COL24A1: variants seen among roughly 807,000 people sequenced by gnomAD.
COL24A1 encodes the protein collagen alpha-1(XXIV) chain.
Under a neutral mutation model 253.9 loss-of-function variants are expected in COL24A1, and 224 were observed. The ratio of observed to expected loss-of-function variants is 0.88; its 90% CI spans 0.79 to 0.99. The LOEUF is 0.99. COL24A1 is among the 50% of genes least tolerant of loss of function. The pLI, the probability that COL24A1 is intolerant of heterozygous loss-of-function variation, is 0.00. For missense variants in COL24A1, 2,131 were observed against 2,068.5 expected, an observed-to-expected ratio of 1.03 and a Z score of -0.59; for synonymous variants, 685 against 673.7, an observed-to-expected ratio of 1.02 and a Z score of -0.26.
chr1:85,843,293 G>A (rs1246218504), intron 39 of COL24A1, among the ~76,000 whole-genome samples: 1 of 152,092 alleles, frequency 6.6e-6, no homozygotes, highest in East Asian at 1.9e-4. Flanking sequence ...CCATTGATTA[G>A]TAAATTTAGA....
intron 24 of COL24A1, among the ~76,000 whole-genome samples, chr1:85,940,055 A>G (rs1688594438): frequency 6.6e-6 from 1 of 152,176 alleles, no homozygotes; most frequent in Non-Finnish European, 1.5e-5. Context: ...AACACTGGGG[A>G]TGAATTGAAG....
intron 43 of COL24A1, among the ~76,000 whole-genome samples, chr1:85,836,966 T>C (rs1280928585): frequency 6.6e-6 from 1 of 152,182 alleles, no homozygotes; most frequent in African/African-American, 2.4e-5. Context: ...TGCTGGTAAA[T>C]ATACTGATTT....
chr1:86,000,415 CT>C (rs1434774822), intron 19 of COL24A1, among the ~76,000 whole-genome samples: 9 of 152,138 alleles, frequency 5.9e-5, no homozygotes, highest in Non-Finnish European at 1.2e-4. Context: ...AAACCTAATA[CT>C]TTTTTTATTG....
chr1:86,156,643 T>G lies in COL24A1; in HGVS notation c.-247A>C. On this transcript the variant is annotated 5_prime_UTR_variant, in exon 1 of 60. Transcript: ENST00000370571. ...GTAACGAACGAGCCCAGGGTTGCGC[T>G]CCCCGGGGAGGGCGGGCGAGGAGGT... The G allele has an allele frequency of 2.9e-6, 1 of 347,036 alleles. No homozygotes were observed. Among genetic ancestry groups the G allele is most frequent in the Non-Finnish European group, 5.2e-6 (1 of 193,286 alleles). The allele number at this position is 347,036 out of a possible 1,614,324, so 21.5% of individuals were successfully genotyped here.
At chr1:86,151,901 T>C (rs1038529679) in intron 1 of COL24A1, among the ~76,000 whole-genome samples, 119 of 152,308 alleles carry the variant, frequency 7.8e-4, no homozygotes, top group African/African-American at 1.3e-3. Context: ...TTTAAACCAA[T>C]TGAAAATGGT....
intron 5 of COL24A1, among the ~76,000 whole-genome samples, chr1:86,110,282 GA>G (rs1474944075): frequency 6.6e-6 from 1 of 151,850 alleles, no homozygotes; most frequent in Non-Finnish European, 1.5e-5. Flanking sequence ...TATGTTTAGT[GA>G]TATCTCCATT....
chr1:85,805,228 T>C (rs571971411), intron 47 of COL24A1, among the ~76,000 whole-genome samples: 27 of 152,224 alleles, frequency 1.8e-4, no homozygotes, highest in African/African-American at 6.3e-4. Context: ...CTGCTATTGT[T>C]TAAAATAATA....
At chr1:86,057,413 A>G (rs1475295202) in intron 10 of COL24A1, among the ~76,000 whole-genome samples, 3 of 152,202 alleles carry the variant, frequency 2.0e-5, no homozygotes, top group East Asian at 3.8e-4. Context: ...GACTAATACA[A>G]TATAATATAG....
chr1:86,093,173 A>C (rs2101983618), intron 5 of COL24A1, among the ~76,000 whole-genome samples: 1 of 152,204 alleles, frequency 6.6e-6, no homozygotes, highest in African/African-American at 2.4e-5. Flanking sequence ...ATGACACTTA[A>C]GCTGACTGAT....
intron 1 of COL24A1, among the ~76,000 whole-genome samples, chr1:86,153,813 A>T (rs1653107949): frequency 1.3e-5 from 2 of 152,222 alleles, no homozygotes; most frequent in Admixed American, 6.5e-5. Flanking sequence ...TAATTACCAT[A>T]ATAGCCTGCC....
Position 85,970,286 on chromosome 1 carries a change from A to T in COL24A1, c.2419-15T>A. 6.3e-7 allele frequency: 1 copy of T among 1,580,924 alleles called. No homozygotes were observed. The highest frequency in any genetic ancestry group is 8.6e-7 in the Non-Finnish European group (1 of 1,166,980). On this transcript the variant is annotated splice_polypyrimidine_tract_variant and intron_variant, in intron 21 of 59. Transcript: ENST00000370571. ...CCTTCTTCTCCCTTAAAAAAAAAAA[A>T]AGTCAGAACATATTATGGCCTAAAA...
intron 8 of COL24A1, among the ~76,000 whole-genome samples, chr1:86,060,186 C>CT (rs200066496): frequency 3.9e-4 from 60 of 152,032 alleles, no homozygotes; most frequent in Admixed American, 6.6e-4. Flanking sequence ...AATATTATAA[C>CT]TTTTTTTTTA....
intron 37 of COL24A1, among the ~76,000 whole-genome samples, chr1:85,862,119 T>G (rs1225225733): frequency 6.6e-6 from 1 of 152,212 alleles, no homozygotes; most frequent in Non-Finnish European, 1.5e-5. Flanking sequence ...AGTTATTCTC[T>G]TTCATTAGTA....
chr1:85,807,629 A>G (rs1355230824), intron 47 of COL24A1, among the ~76,000 whole-genome samples: 1 of 152,182 alleles, frequency 6.6e-6, no homozygotes, highest in Non-Finnish European at 1.5e-5. Context: ...ATCTTACTTA[A>G]GTCACTGTGC....
At chr1:85,872,898 G>A (rs1044257278) in intron 35 of COL24A1, among the ~76,000 whole-genome samples, 15 of 152,246 alleles carry the variant, frequency 9.9e-5, no homozygotes, top group African/African-American at 3.4e-4. Context: ...AGAGTGAACA[G>A]GCAACCTACA....
Position 86,064,560 on chromosome 1 carries a change from A to G in COL24A1, c.1708-801T>C, listed in dbSNP as rs190777410. Among the ~76,000 whole-genome samples, 3 of 152,344 alleles carry G rather than the reference A, an allele frequency of 2.0e-5. No homozygotes were observed. The East Asian group carries it at 5.8e-4, about 29-fold the overall frequency. The stretch of plus-strand genomic sequence containing the variant: ...TTTACCAAAGGATTTTGGTGCATAT[A>G]AAGAACAAAAGAAATTCCTTTTCTT... On this transcript the variant is annotated intron_variant, in intron 7 of 59. Transcript: ENST00000370571.
intron 37 of COL24A1, among the ~76,000 whole-genome samples, chr1:85,856,587 T>G (rs1049115691): frequency 6.6e-6 from 1 of 152,226 alleles, no homozygotes; most frequent in Non-Finnish European, 1.5e-5. Flanking sequence ...TACCTAATGA[T>G]AGCTCTTTGC....
At chr1:85,896,480 T>A in intron 28 of COL24A1, 71 bp from the exon 29 acceptor site, 1 of 1,263,956 alleles carries the variant, frequency 7.9e-7, no homozygotes, top group Non-Finnish European at 1.1e-6. Context: ...TTATGTGTCC[T>A]CACAGATGAA....
At chr1:86,105,783 T>C (rs1438418480) in intron 5 of COL24A1, among the ~76,000 whole-genome samples, 1 of 152,224 alleles carries the variant, frequency 6.6e-6, no homozygotes, top group Non-Finnish European at 1.5e-5. Flanking sequence ...GGTCTCCTCC[T>C]GCTGGGATTC....
Sources: allele counts gnomAD v4.1 joint callset (sites outside exome capture counted in the v4.1 genomes callset), GRCh38; gene constraint gnomAD v4.1.1; transcripts MANE v1.5; gene names NCBI Gene and HGNC (gene_info 2026-07-23, HGNC 2026-07-21).